Variants in SLC39A12 observed in about 807,000 individuals in gnomAD.
The protein encoded by SLC39A12 is solute carrier family 39 member 12, also known as zinc transporter ZIP12.
Under a neutral mutation model 71.1 loss-of-function variants are expected in SLC39A12, and 63 were observed. The observed-to-expected ratio is 0.89, with a 90% confidence interval of 0.72 to 1.09. The LOEUF (loss-of-function observed/expected upper bound fraction) is 1.09. Ranked by LOEUF, SLC39A12 falls within the 50% of genes least tolerant of loss-of-function variation. The pLI is 0.00. For synonymous variants in SLC39A12, 351 were observed against 301.3 expected, an observed-to-expected ratio of 1.16 and a Z score of -1.71; for missense variants, 892 against 812.6, an observed-to-expected ratio of 1.10 and a Z score of -1.19.
In SLC39A12 at chr10:18,019,389, A is replaced by T. The variant is rs532848637; in HGVS notation, c.1947+16031A>T. ...GTATTGATTAACTGATTTTAATTTC[A>T]TTGATTTCTGCTCTTTCATTATTTT... On this transcript the variant is annotated intron_variant, in intron 12 of 12. Transcript: ENST00000377369. 7.2e-5 allele frequency among the ~76,000 whole-genome samples: 11 copies of T among 152,012 alleles called. No individual in the cohort carries two copies. The South Asian group carries it at 1.5e-3, about 20-fold the overall frequency.
chr10:18,024,313 G>T (rs918241615), intron 12 of SLC39A12, among the ~76,000 whole-genome samples: 1 of 152,072 alleles, frequency 6.6e-6, no homozygotes, highest in Non-Finnish European at 1.5e-5. Context: ...CCTGAAAAGC[G>T]GCTCTGCCCT....
At chr10:17,953,051 G>A in intron 1 of SLC39A12, 140 bp from the exon 2 acceptor site, 1 of 561,808 alleles carries the variant, frequency 1.8e-6, no homozygotes, top group Non-Finnish European at 3.1e-6. Flanking sequence ...CTGCCATTTG[G>A]GGTTAGAAAT....
intron 4 of SLC39A12, among the ~76,000 whole-genome samples, chr10:17,968,410 T>G (rs975820872): frequency 6.6e-6 from 1 of 152,302 alleles, no homozygotes; most frequent in Middle Eastern, 3.4e-3. Context: ...CCCACATTTT[T>G]ACATCTCCAG....
chr10:17,965,633 T>C lies in SLC39A12; in HGVS notation c.694T>C (p.Tyr232His), dbSNP rs1482782312. 1.2e-6 allele frequency: 2 copies of C among 1,614,108 alleles called. No individual in the cohort carries two copies. Among genetic ancestry groups the C allele is most frequent in the East Asian group, 4.5e-5 (2 of 44,898 alleles). ...ACAAGGAAACTTGCCTTCCCCAGACTACTTTACAGAATATATTTTCAGTTC... is the reference window on the plus strand; with the variant it reads ...ACAAGGAAACTTGCCTTCCCCAGACCACTTTACAGAATATATTTTCAGTTC... ...LGQGNLPSPD[Y>H]FTEYIFSSLN... Residue 232 changes from tyrosine (Y) to histidine (H), a missense_variant, in exon 4 of 13, where the codon TAC becomes CAC. Transcript: ENST00000377369.
At chr10:17,993,482 C>A (rs190744701) in intron 9 of SLC39A12, among the ~76,000 whole-genome samples, 191 bp downstream of exon 9, 163 of 152,350 alleles carry the variant, frequency 1.1e-3, no homozygotes, top group Non-Finnish European at 1.9e-3. Flanking sequence ...GCAACAGGCA[C>A]CCTCCACAGA....
rs1268091689 is a variant in SLC39A12 at position 17,981,421 on chromosome 10, T to C, written c.1034T>C (p.Leu345Pro). The C allele has an allele frequency of 1.2e-6, 2 of 1,613,712 alleles. No individual in the cohort carries two copies. Among genetic ancestry groups the C allele is most frequent in the Non-Finnish European group, 1.7e-6 (2 of 1,179,770 alleles). Residue 345 changes from leucine to proline, a missense_variant, in exon 6 of 13, where the codon CTC becomes CCC. Leu to Pro is a moderately conservative substitution (Grantham distance 98, BLOSUM62 -3). Transcript: ENST00000377369. ...QMSPGIIQQL[L>P]SCSCHLPKDQ... ...AGTCCAGGGATCATCCAGCAGCTCC[T>C]CAGCTGCTCCTGCCACTTACCCAAG... is the stretch of plus-strand genomic sequence containing the variant.
intron 12 of SLC39A12, among the ~76,000 whole-genome samples, chr10:18,038,998 A>C (rs1266182116): frequency 1.3e-5 from 2 of 152,198 alleles, no homozygotes; most frequent in Non-Finnish European, 2.9e-5. Flanking sequence ...TGCCCAAAAT[A>C]TTTTTCTCCA....
At chr10:18,025,733 C>T (rs1836659932) in intron 12 of SLC39A12, among the ~76,000 whole-genome samples, 2 of 152,110 alleles carry the variant, frequency 1.3e-5, no homozygotes, top group Admixed American at 6.5e-5. Flanking sequence ...ATTTATAATC[C>T]TTTGGGTATT....
At chr10:18,000,850 T>A in intron 11 of SLC39A12, 25 bp downstream of exon 11, 1 of 1,605,008 alleles carries the variant, frequency 6.2e-7, no homozygotes, top group African/African-American at 1.3e-5. Context: ...GGAATTACTG[T>A]TTCTGGCCTG....
intron 4 of SLC39A12, among the ~76,000 whole-genome samples, chr10:17,967,792 C>T (rs1052605271): frequency 7.3e-5 from 11 of 150,638 alleles, no homozygotes; most frequent in Non-Finnish European, 1.5e-4. Flanking sequence ...GAGGCTGAGG[C>T]AGGAGAATGG....
intron 6 of SLC39A12, among the ~76,000 whole-genome samples, chr10:17,985,398 C>T (rs1835373899): frequency 6.7e-6 from 1 of 149,834 alleles, no homozygotes; most frequent in African/African-American, 2.4e-5. Context: ...TAGAAAAATG[C>T]AAGTATGATG....
chr10:17,977,676 G>T (rs1008717706), intron 4 of SLC39A12, among the ~76,000 whole-genome samples: 5 of 152,072 alleles, frequency 3.3e-5, no homozygotes, highest in African/African-American at 1.2e-4. Flanking sequence ...AATTTCCTAA[G>T]GATTAGGCCA....
rs1289302574 is a variant in SLC39A12, at chr10:18,014,170, C to G, written c.1947+10812C>G. Among the ~76,000 whole-genome samples, 3 of 151,924 alleles carry G rather than the reference C, an allele frequency of 2.0e-5. No individual in the cohort carries two copies. The East Asian group carries it at 5.8e-4, about 29-fold the overall frequency. On this transcript the variant is annotated intron_variant, in intron 12 of 12. Coordinates refer to ENST00000377369, the MANE Select transcript of SLC39A12 (RefSeq NM_001145195.2). ...TAGTTTTCAGTACACAAGTCTTTCA[C>G]TTTTTTGGTTAATTTTATTTCTAGG...
intron 5 of SLC39A12, among the ~76,000 whole-genome samples, chr10:17,980,037 G>C (rs1168370832): frequency 6.6e-6 from 1 of 152,160 alleles, no homozygotes; most frequent in Non-Finnish European, 1.5e-5. Flanking sequence ...GAGGGCACGG[G>C]TGGGAAGAAG....
intron 12 of SLC39A12, among the ~76,000 whole-genome samples, chr10:18,013,346 T>TTTA (rs35228459): frequency 0.022 from 3,045 of 139,794 alleles, 47 homozygotes; most frequent in Non-Finnish European, 0.032. Flanking sequence ...TCCAACTTTA[T>TTTA]TTATTATTAT....
chr10:18,019,475 T>G (rs549619657), intron 12 of SLC39A12, among the ~76,000 whole-genome samples: 1 of 152,182 alleles, frequency 6.6e-6, no homozygotes, highest in African/African-American at 2.4e-5. Flanking sequence ...GAAGGAAGCT[T>G]TGAATTCTGA....
intron 12 of SLC39A12, among the ~76,000 whole-genome samples, chr10:18,016,959 C>A (rs2130869614): frequency 6.6e-6 from 1 of 152,212 alleles, no homozygotes; most frequent in African/African-American, 2.4e-5. Context: ...ATGTTTTGCA[C>A]ATGTTTTCCC....
chr10:18,018,972 T>G (rs1192006061), intron 12 of SLC39A12, among the ~76,000 whole-genome samples: 1 of 152,170 alleles, frequency 6.6e-6, no homozygotes, highest in Non-Finnish European at 1.5e-5. Context: ...TGGTAAAATT[T>G]TTTCCTAAAG....
chr10:17,953,040 C>T (rs1254604870), intron 1 of SLC39A12, among the ~76,000 whole-genome samples, 151 bp from the exon 2 acceptor site: 1 of 152,128 alleles, frequency 6.6e-6, no homozygotes, highest in Non-Finnish European at 1.5e-5. Context: ...ATGGTGCTTT[C>T]CTGCCATTTG....
Sources: allele counts gnomAD v4.1 joint callset (sites outside exome capture counted in the v4.1 genomes callset), GRCh38; gene constraint gnomAD v4.1.1; transcripts MANE v1.5; gene names NCBI Gene and HGNC (gene_info 2026-07-23, HGNC 2026-07-21).